TMEM178A: variants seen among roughly 807,000 people sequenced by gnomAD.
The protein encoded by TMEM178A is transmembrane protein 178A, also known as transmembrane protein 178.
A neutral mutation model predicts 29.1 loss-of-function variants in TMEM178A; 12 were observed. That is an observed-to-expected ratio of 0.41 (90% CI 0.26 to 0.67). TMEM178A has a LOEUF of 0.67. Among genes scored for constraint, TMEM178A ranks in the 30% least tolerant of loss-of-function variants. The pLI, the probability that TMEM178A is intolerant of heterozygous loss-of-function variation, is 0.29. For synonymous variants in TMEM178A, 210 were observed against 187.2 expected, an observed-to-expected ratio of 1.12 and a Z score of -0.99; for missense variants, 366 against 419.1, an observed-to-expected ratio of 0.87 and a Z score of 1.11.
intron 1 of TMEM178A, among the ~76,000 whole-genome samples, chr2:39,689,271 T>C (rs564548593): frequency 2.0e-4 from 30 of 152,334 alleles, no homozygotes; most frequent in Non-Finnish European, 4.0e-4. Flanking sequence ...TTCTGAGTAT[T>C]TGGGAAATTG....
intron 3 of TMEM178A, among the ~76,000 whole-genome samples, chr2:39,712,679 C>A (rs980616863): frequency 8.5e-5 from 13 of 152,074 alleles, no homozygotes; most frequent in Non-Finnish European, 1.6e-4. Context: ...CTCTCTCTCT[C>A]TCTCTGGGGG....
At chr2:39,718,035 C>T (rs1342576688), downstream of TMEM178A, 1 of 152,352 alleles carries the variant, frequency 6.6e-6, no homozygotes, top group African/African-American at 2.4e-5. Flanking sequence ...GAGGAAAACT[C>T]TGTTGTTTTA....
chr2:39,733,784 A>T, the TMEM178A span, among the ~76,000 whole-genome samples: 1 of 152,064 alleles, frequency 6.6e-6, no homozygotes, highest in African/African-American at 2.4e-5. Context: ...GAATGAAAAA[A>T]TTTTTAGGAG....
At chr2:39,710,925 A>G (rs2540240) in intron 3 of TMEM178A, among the ~76,000 whole-genome samples, 3,633 of 152,344 alleles carry the variant, frequency 0.024, 155 homozygotes, top group African/African-American at 0.083. Context: ...CTTCTGCCTT[A>G]TTGATTGCAC....
intron 2 of TMEM178A, among the ~76,000 whole-genome samples, chr2:39,706,142 C>T (rs1471422245): frequency 1.3e-5 from 2 of 152,190 alleles, no homozygotes; most frequent in South Asian, 2.1e-4. Context: ...TCCAGGTACA[C>T]GTAGTCAGCC....
At chr2:39,697,142 C>T (rs1348566535) in intron 1 of TMEM178A, among the ~76,000 whole-genome samples, 2 of 152,214 alleles carry the variant, frequency 1.3e-5, no homozygotes, top group Non-Finnish European at 2.9e-5. Context: ...CATGGAACTT[C>T]CGTCACCATC....
chr2:39,704,983 C>A (rs1016681867), intron 2 of TMEM178A, among the ~76,000 whole-genome samples: 1 of 152,226 alleles, frequency 6.6e-6, no homozygotes, highest in Non-Finnish European at 1.5e-5. Flanking sequence ...AGGCTCTGTT[C>A]TGAATCTCAA....
intron 1 of TMEM178A, among the ~76,000 whole-genome samples, chr2:39,669,380 A>T (rs1372454892): frequency 2.0e-5 from 3 of 152,236 alleles, no homozygotes; most frequent in Non-Finnish European, 4.4e-5. Context: ...AGAGATGTAC[A>T]GGGGATAGAA....
chr2:39,665,953 G>C lies in TMEM178A; in HGVS notation c.-22G>C, dbSNP rs1265960666. 6 of 1,342,958 alleles carry C rather than the reference G, an allele frequency of 4.5e-6. No individual in the cohort carries two copies. In the African/African-American group the frequency reaches 4.6e-5, roughly 10 times the overall value. The allele number at this position is 1,342,958 out of a possible 1,614,324, so 83.2% of individuals were successfully genotyped here. A position where few individuals can be genotyped will look rare whatever the true frequency, so the allele number is the denominator to read the frequency against. On this transcript the variant is annotated 5_prime_UTR_variant, in exon 1 of 4. Coordinates refer to ENST00000281961, the MANE Select transcript of TMEM178A (RefSeq NM_152390.3). ...GGCGGCGGCGCGCGAGCCCACCGGCGGCTGCGGCGGGGCGGGAAGCCATGG... is the reference window on the plus strand; with the variant it reads ...GGCGGCGGCGCGCGAGCCCACCGGCCGCTGCGGCGGGGCGGGAAGCCATGG...
At chr2:39,674,836 T>G (rs1670550044) in intron 1 of TMEM178A, among the ~76,000 whole-genome samples, 1 of 152,200 alleles carries the variant, frequency 6.6e-6, no homozygotes, top group South Asian at 2.1e-4. Context: ...CTCTCTTTTT[T>G]TTTCTCAAGT....
At chr2:39,701,915 T>A (rs1671798553) in intron 1 of TMEM178A, among the ~76,000 whole-genome samples, 1 of 152,198 alleles carries the variant, frequency 6.6e-6, no homozygotes, top group Non-Finnish European at 1.5e-5. Context: ...ATGTTGCTAA[T>A]ATTCTCTATT....
intron 1 of TMEM178A, among the ~76,000 whole-genome samples, chr2:39,691,186 A>AG (rs2148078701): frequency 6.6e-6 from 1 of 152,342 alleles, no homozygotes; most frequent in African/African-American, 2.4e-5. Flanking sequence ...CCTAAATCTG[A>AG]GGAGGGCAGT....
the TMEM178A span, among the ~76,000 whole-genome samples, chr2:39,733,622 G>A: frequency 1.3e-5 from 2 of 152,096 alleles, no homozygotes; most frequent in African/African-American, 4.8e-5. Flanking sequence ...ATATTTATTA[G>A]GAATATAATG....
intron 1 of TMEM178A, among the ~76,000 whole-genome samples, chr2:39,669,322 A>T (rs1305488631): frequency 6.6e-6 from 1 of 152,218 alleles, no homozygotes; most frequent in Non-Finnish European, 1.5e-5. Context: ...AATAGGAATT[A>T]TTTACATTTC....
chr2:39,720,522 A>G (rs1672681866), downstream of TMEM178A, among the ~76,000 whole-genome samples: 1 of 151,728 alleles, frequency 6.6e-6, no homozygotes, highest in African/African-American at 2.4e-5. Flanking sequence ...TCTACACAAC[A>G]CTCCCGGACA....
chr2:39,684,986 C>A (rs187911778), intron 1 of TMEM178A, among the ~76,000 whole-genome samples: 1 of 152,272 alleles, frequency 6.6e-6, no homozygotes, highest in African/African-American at 2.4e-5. Context: ...TTGTATTGGC[C>A]TGTTTATATT....
upstream of TMEM178A, chr2:39,665,769 C>G (rs1160413591): frequency 6.5e-6 from 2 of 306,380 alleles, no homozygotes; most frequent in Non-Finnish European, 1.0e-5. Context: ...GGGGCCGGGC[C>G]GGGGGCGGGC....
chr2:39,685,356 T>G (rs1671031325), intron 1 of TMEM178A, among the ~76,000 whole-genome samples: 1 of 152,228 alleles, frequency 6.6e-6, no homozygotes, highest in Non-Finnish European at 1.5e-5. Flanking sequence ...TCAGCCCTCT[T>G]CCTGTTATGG....
chr2:39,715,001 C>T (rs997017806), intron 3 of TMEM178A, among the ~76,000 whole-genome samples: 1 of 152,180 alleles, frequency 6.6e-6, no homozygotes, highest in African/African-American at 2.4e-5. Context: ...AAGTTTCCCA[C>T]TCTTTTTTTC....
Sources: allele counts gnomAD v4.1 joint callset (sites outside exome capture counted in the v4.1 genomes callset), GRCh38; gene constraint gnomAD v4.1.1; transcripts MANE v1.5; gene names NCBI Gene and HGNC (gene_info 2026-07-23, HGNC 2026-07-21).